Variants in LINC00237 observed in about 807,000 individuals in gnomAD.
The protein encoded by LINC00237 is long independently transcribed non-coding RNA 237.
Position 21,102,078 on chromosome 20 carries a change from T to A in LINC00237, n.88+4193A>T, listed in dbSNP as rs375139065. ...CTTCCCCAGGCCTGGAGGGCAGTGC[T>A]GAAGGCCCGCGGCCGAGGTTTTGCT... is the stretch of plus-strand genomic sequence containing the variant. On this transcript the variant is annotated intron_variant and non_coding_transcript_variant, in intron 1 of 3. Coordinates refer to ENST00000691244, the Ensembl canonical transcript of LINC00237. 1.5e-3 allele frequency among the ~76,000 whole-genome samples: 225 copies of A among 152,332 alleles called. 1 individual carries two copies. Among genetic ancestry groups the A allele is most frequent in the African/African-American group, 5.2e-3 (218 of 41,596 alleles).
Position 21,101,342 on chromosome 20 carries a change from G to A in LINC00237, n.88+4929C>T, listed in dbSNP as rs1600314634. 6.6e-6 allele frequency: 1 copy of A among 152,304 alleles called. No homozygotes were observed. Among genetic ancestry groups the A allele is most frequent in the African/African-American group, 2.4e-5 (1 of 41,538 alleles). 9.4% of individuals were successfully genotyped at this position (152,304 alleles called of 1,614,324 possible). ...GCAATCGGGGTGGGGGCAGAAATAG[G>A]GGCTGACCCGCTAGCCCCCGCCAAA... On this transcript the variant is annotated intron_variant and non_coding_transcript_variant, in intron 1 of 3. Transcript: ENST00000691244. The surrounding 1 kb of genome is among the most constrained non-coding windows in gnomAD (Gnocchi z 4.3).
intron 1 of LINC00237, among the ~76,000 whole-genome samples, chr20:21,100,893 C>A (rs902300770): frequency 2.0e-5 from 3 of 152,138 alleles, no homozygotes; most frequent in African/African-American, 7.2e-5. Flanking sequence ...CCCGGCCCGA[C>A]CTCGCCGGGA....
intron 1 of LINC00237, among the ~76,000 whole-genome samples, chr20:21,103,019 C>T (rs1374155765): frequency 6.6e-6 from 1 of 152,214 alleles, no homozygotes; most frequent in African/African-American, 2.4e-5. Flanking sequence ...CGGAGAAGGA[C>T]GTCGCGACCG....
chr20:21,094,754 T>A (rs1027506023), intron 1 of LINC00237, among the ~76,000 whole-genome samples: 2 of 151,916 alleles, frequency 1.3e-5, no homozygotes, highest in Non-Finnish European at 2.9e-5. Context: ...TCCTGTCTGT[T>A]AAAAAAATAA....
intron 3 of LINC00237, among the ~76,000 whole-genome samples, chr20:21,087,166 G>A (rs1486271854): frequency 1.3e-5 from 2 of 151,224 alleles, no homozygotes; most frequent in Non-Finnish European, 3.0e-5. Flanking sequence ...AAGTTATTTG[G>A]GGGCAGTATG....
intron 2 of LINC00237, chr20:21,092,958 C>G (rs578007955): frequency 9.9e-5 from 15 of 152,106 alleles, no homozygotes; most frequent in Non-Finnish European, 1.9e-4. Context: ...GATGGGGAAG[C>G]CTTCTTGCAC....
At chr20:21,091,383 C>G (rs2030790818) in intron 2 of LINC00237, among the ~76,000 whole-genome samples, 1 of 152,168 alleles carries the variant, frequency 6.6e-6, no homozygotes, top group Admixed American at 6.5e-5. Context: ...ACAGACACTT[C>G]TATGGCTCCA....
chr20:21,096,738 C>A (rs1161345832), intron 1 of LINC00237, among the ~76,000 whole-genome samples: 1 of 152,190 alleles, frequency 6.6e-6, no homozygotes, highest in Non-Finnish European at 1.5e-5. Flanking sequence ...TTCATCTCCC[C>A]TCATCACAGA....
At chr20:21,102,485 G>A (rs1201627506) in intron 1 of LINC00237, among the ~76,000 whole-genome samples, 1 of 152,190 alleles carries the variant, frequency 6.6e-6, no homozygotes, top group Non-Finnish European at 1.5e-5. Context: ...CACTAAGAGG[G>A]CCTTTCCAGC....
At chr20:21,091,535 C>A (rs562483590) in intron 2 of LINC00237, among the ~76,000 whole-genome samples, 1 of 152,336 alleles carries the variant, frequency 6.6e-6, no homozygotes, top group Admixed American at 6.5e-5. Flanking sequence ...CCATTTCCCT[C>A]CAATGGTGAC....
chr20:21,095,942 G>T (rs1195775674), intron 1 of LINC00237, among the ~76,000 whole-genome samples: 1 of 152,214 alleles, frequency 6.6e-6, no homozygotes, highest in Non-Finnish European at 1.5e-5. Flanking sequence ...TCAAGTATGT[G>T]CTACATCGTT....
intron 2 of LINC00237, among the ~76,000 whole-genome samples, chr20:21,089,493 G>A (rs2030762751): frequency 6.6e-6 from 1 of 152,108 alleles, no homozygotes; most frequent in Non-Finnish European, 1.5e-5. Context: ...CCCCGGGCCT[G>A]CCATGATAAA....
chr20:21,096,999 C>G (rs778921256), intron 1 of LINC00237, among the ~76,000 whole-genome samples: 13 of 152,198 alleles, frequency 8.5e-5, no homozygotes, highest in Non-Finnish European at 1.8e-4. Flanking sequence ...ATGGGAAGGG[C>G]ACCCCTATGT....
At chr20:21,086,635 C>CTATATATAGTATACTA (rs2030702189) in intron 3 of LINC00237, among the ~76,000 whole-genome samples, 1 of 68,648 alleles carries the variant, frequency 1.5e-5, no homozygotes, top group Non-Finnish European at 3.0e-5. Context: ...ATATAGTATA[C>CTATATATAGTATACTA]TATATATAGT....
At chr20:21,098,792 T>C (rs1361251952) in intron 1 of LINC00237, among the ~76,000 whole-genome samples, 1 of 152,228 alleles carries the variant, frequency 6.6e-6, no homozygotes, top group Non-Finnish European at 1.5e-5. Flanking sequence ...TCCTATTATA[T>C]TGCAGAGGGT....
chr20:21,100,336 T>C (rs936059511), intron 1 of LINC00237, among the ~76,000 whole-genome samples: 6 of 152,182 alleles, frequency 3.9e-5, no homozygotes, highest in Non-Finnish European at 8.8e-5. Flanking sequence ...TAATGTCAAA[T>C]AAAACATTGG....
exon 2 of LINC00237, chr20:21,093,482 C>T (rs2030817716): frequency 6.6e-6 from 1 of 152,234 alleles, no homozygotes; most frequent in Non-Finnish European, 1.5e-5. Context: ...CTGCGGCCAT[C>T]GTAGCCAGTT....
chr20:21,092,390 A>G (rs2030804591), intron 2 of LINC00237, among the ~76,000 whole-genome samples: 1 of 152,318 alleles, frequency 6.6e-6, no homozygotes, highest in Middle Eastern at 3.4e-3. Flanking sequence ...GAGTCATCCA[A>G]AAGGAAAGGG....
intron 3 of LINC00237, among the ~76,000 whole-genome samples, chr20:21,086,182 G>C (rs1302267192): frequency 6.6e-6 from 1 of 152,100 alleles, no homozygotes; most frequent in Non-Finnish European, 1.5e-5. Flanking sequence ...AACTTCCAAG[G>C]CTATTCACTA....
Sources: gnomAD v4.1 joint callset for allele counts (sites outside exome capture counted in the v4.1 genomes callset) on GRCh38, gnomAD v4.1.1 for gene constraint, Gnocchi (gnomAD v3.1) non-coding constraint, MANE v1.5 for transcripts, NCBI Gene and HGNC (gene_info 2026-07-23, HGNC 2026-07-21) for gene names.